Variants in ARL3 observed in about 807,000 individuals in gnomAD.
ARL3 encodes ADP-ribosylation factor-like protein 3.
Under a neutral mutation model 26.0 loss-of-function variants are expected in ARL3, and 9 were observed. That is an observed-to-expected ratio of 0.35 (90% confidence interval 0.21 to 0.60). The LOEUF (loss-of-function observed/expected upper bound fraction) is 0.60, where lower values mean the gene tolerates loss of function less well. Among genes scored for constraint, ARL3 ranks in the 20% least tolerant of loss-of-function variants. The probability of loss-of-function intolerance (pLI) is 0.78; values close to 1 mark genes in which losing one functional copy is unlikely to be tolerated. For missense variants in ARL3, 158 were observed against 215.7 expected, an observed-to-expected ratio of 0.73 and a Z score of 1.67; for synonymous variants, 71 against 78.4, an observed-to-expected ratio of 0.91 and a Z score of 0.50.
chr10:102,682,511 C>A (rs2064160573), intron 5 of ARL3, among the ~76,000 whole-genome samples: 1 of 152,128 alleles, frequency 6.6e-6, no homozygotes, highest in African/African-American at 2.4e-5. Context: ...CCAGGTGGAA[C>A]GGGACCCTGA....
At chr10:102,685,684 G>T in intron 5 of ARL3, 132 bp downstream of exon 5, 1 of 1,030,020 alleles carries the variant, frequency 9.7e-7, no homozygotes. Flanking sequence ...AAGCAGAAAA[G>T]AACCAAATTC....
chr10:102,714,121 C>G, intron 1 of ARL3, 152 bp downstream of exon 1: 1 of 1,023,350 alleles, frequency 9.8e-7, no homozygotes, highest in Non-Finnish European at 1.3e-6. Flanking sequence ...CGGGTCTCCC[C>G]GCCGACCCCC....
At chr10:102,705,597 T>C in intron 1 of ARL3, 108 bp from the exon 2 acceptor site, 1 of 1,151,442 alleles carries the variant, frequency 8.7e-7, no homozygotes, top group Non-Finnish European at 1.1e-6. Context: ...ATGGAGAGCT[T>C]ATGTTATTAT....
intron 4 of ARL3, 26 bp downstream of exon 4, chr10:102,689,867 C>T: frequency 6.8e-7 from 1 of 1,476,536 alleles, no homozygotes; most frequent in Non-Finnish European, 9.3e-7. Context: ...TATATAAGAA[C>T]TTTGATATAA....
chr10:102,694,909 G>A (rs1357884391), intron 3 of ARL3, among the ~76,000 whole-genome samples: 5 of 152,126 alleles, frequency 3.3e-5, no homozygotes, highest in Non-Finnish European at 7.3e-5. Flanking sequence ...AATACAGATG[G>A]GGTTTCACCC....
At chr10:102,701,178 T>C (rs139488413) in intron 2 of ARL3, among the ~76,000 whole-genome samples, 12 of 152,300 alleles carry the variant, frequency 7.9e-5, no homozygotes, top group South Asian at 2.1e-4. Context: ...AGAGAATGTA[T>C]TGCATGAACA....
chr10:102,711,146 C>A (rs1256157594), intron 1 of ARL3, among the ~76,000 whole-genome samples: 2 of 152,158 alleles, frequency 1.3e-5, no homozygotes, highest in African/African-American at 4.8e-5. Context: ...AGAACTTAAT[C>A]CAAACTGTGT....
intron 3 of ARL3, among the ~76,000 whole-genome samples, chr10:102,695,926 C>T (rs1002711674): frequency 6.6e-6 from 1 of 152,016 alleles, no homozygotes; most frequent in Non-Finnish European, 1.5e-5. Flanking sequence ...GAGAGTCTCA[C>T]TCTTGTTGCC....
At chr10:102,711,212 A>G (rs1465856351) in intron 1 of ARL3, among the ~76,000 whole-genome samples, 2 of 152,136 alleles carry the variant, frequency 1.3e-5, no homozygotes, top group Non-Finnish European at 2.9e-5. Context: ...CTAAGGAACA[A>G]AGTCTGAGCA....
chr10:102,694,190 C>T lies in ARL3; in HGVS notation c.265-4247G>A, dbSNP rs936370582. Among the ~76,000 whole-genome samples the T allele has an allele frequency of 4.0e-5, 6 of 151,652 alleles. No individual in the cohort carries two copies. In the South Asian group the frequency reaches 1.3e-3, roughly 32 times the overall value. ...ATTTTTTGTAGAGATGGGGTTTCAC[C>T]GTGTTAGCCAGGATGGTCTCGATCT... On this transcript the variant is annotated intron_variant, in intron 3 of 5. Transcript: ENST00000260746.
intron 5 of ARL3, 147 bp from the exon 6 acceptor site, chr10:102,677,088 T>G: frequency 1.2e-6 from 1 of 829,482 alleles, no homozygotes; most frequent in East Asian, 2.6e-5. Flanking sequence ...GGGGCCCACC[T>G]GGGTGACCAG....
chr10:102,697,529 C>A lies in ARL3; in HGVS notation c.264+1844G>T, dbSNP rs151116118. Among the ~76,000 whole-genome samples, 306 of 152,208 alleles carry A rather than the reference C, an allele frequency of 2.0e-3. 2 individuals are homozygous for A. The highest frequency in any genetic ancestry group is 6.9e-3 in the African/African-American group (288 of 41,534). On this transcript the variant is annotated intron_variant, in intron 3 of 5. Transcript: ENST00000260746. ...ATCATTTATGAGGTCAGTCACTGACCCAAGTGTCATTATGTGGCACATGAC... is the reference window on the plus strand; with the variant it reads ...ATCATTTATGAGGTCAGTCACTGACACAAGTGTCATTATGTGGCACATGAC...
chr10:102,697,886 C>T (rs911145052), intron 3 of ARL3, among the ~76,000 whole-genome samples: 3 of 152,170 alleles, frequency 2.0e-5, no homozygotes, highest in African/African-American at 7.2e-5. Context: ...GTACTGAAAA[C>T]TGAACCCTAC....
intron 2 of ARL3, among the ~76,000 whole-genome samples, chr10:102,704,033 C>T (rs2064295322): frequency 6.6e-6 from 1 of 151,340 alleles, no homozygotes; most frequent in Non-Finnish European, 1.5e-5. Context: ...CACCTGTAGT[C>T]CCAGCTACTT....
At chr10:102,698,806 A>G (rs1486825396) in intron 3 of ARL3, among the ~76,000 whole-genome samples, 1 of 152,226 alleles carries the variant, frequency 6.6e-6, no homozygotes, top group African/African-American at 2.4e-5. Context: ...TTGTAATTAT[A>G]GGAAACTTCT....
rs185363417 is a variant in ARL3 at position 102,698,797 on chromosome 10, T to G, written c.264+576A>C. On this transcript the variant is annotated intron_variant, in intron 3 of 5. Coordinates refer to ENST00000260746, the MANE Select transcript of ARL3 (RefSeq NM_004311.4). ...GCAGCTTCTCCTACTACTGGACGAT[T>G]GTAATTATAGGAAACTTCTTCCTTA... 2.9e-3 allele frequency among the ~76,000 whole-genome samples: 435 copies of G among 152,334 alleles called. 2 individuals carry two copies. Among genetic ancestry groups the G allele is most frequent in the Non-Finnish European group, 3.7e-3 (252 of 68,032 alleles).
chr10:102,677,042 C>A (rs2064134037), intron 5 of ARL3, 101 bp from the exon 6 acceptor site: 12 of 1,320,162 alleles, frequency 9.1e-6, no homozygotes, highest in Non-Finnish European at 1.3e-5. Flanking sequence ...GGCCCTCCCT[C>A]CCAGACCGCC....
intron 1 of ARL3, among the ~76,000 whole-genome samples, chr10:102,713,276 T>G (rs1174036668): frequency 6.6e-6 from 1 of 152,176 alleles, no homozygotes; most frequent in African/African-American, 2.4e-5. Context: ...CCATTTTAAC[T>G]CCCTCCAACT....
intron 1 of ARL3, among the ~76,000 whole-genome samples, chr10:102,711,750 C>T (rs2064342504): frequency 6.6e-6 from 1 of 151,542 alleles, no homozygotes; most frequent in South Asian, 2.1e-4. Flanking sequence ...GAGCAAGACT[C>T]CGTCTCAAAA....
Sources: gnomAD v4.1 joint callset for allele counts (sites outside exome capture counted in the v4.1 genomes callset) on GRCh38, gnomAD v4.1.1 for gene constraint, MANE v1.5 for transcripts, NCBI Gene and HGNC (gene_info 2026-07-23, HGNC 2026-07-21) for gene names.